RYR1: variants seen among roughly 807,000 people sequenced by gnomAD.
RYR1 encodes the protein central core disease of muscle.
A neutral mutation model predicts 583.5 loss-of-function variants in RYR1; 342 were observed. That is an observed-to-expected ratio of 0.59 (90% confidence interval 0.54 to 0.64). The LOEUF (loss-of-function observed/expected upper bound fraction) is 0.64. RYR1 is among the 30% of genes least tolerant of loss of function. The pLI is 0.00. For missense variants in RYR1, 6,032 were observed against 6,917.2 expected (o/e 0.87, Z 4.54); for synonymous variants, 2,791 against 2,822.5 (o/e 0.99, Z 0.35).
intron 58 of RYR1, 70 bp from the exon 59 acceptor site, chr19:38,510,428 C>T (rs1970675267): frequency 1.3e-6 from 2 of 1,503,504 alleles, no homozygotes; most frequent in Non-Finnish European, 1.9e-6. Context: ...CTCCCAGCAT[C>T]CTTCCCATCA....
chr19:38,500,767 G>A lies in RYR1; in HGVS notation c.7444+41G>A, dbSNP rs1459520706. 1.2e-6 allele frequency: 2 copies of A among 1,614,090 alleles called. No individual in the cohort carries two copies. On this transcript the variant is annotated intron_variant, in intron 46 of 105. Coordinates refer to ENST00000359596, the MANE Select transcript of RYR1 (RefSeq NM_000540.3). This position sits in a 1 kb window ranked among gnomAD's most constrained non-coding sequence, Gnocchi z 5.9. ...AACTTGGCGAAGGAGTGATGCTGGG[G>A]AGGGAGCGGCTGGGTCCGCAGGGCA...
chr19:38,551,025 C>CTTTT (rs71165560), intron 89 of RYR1, among the ~76,000 whole-genome samples: 1 of 41,358 alleles, frequency 2.4e-5, no homozygotes, highest in Non-Finnish European at 4.6e-5. Context: ...GGATTCACGG[C>CTTTT]TTTTTTTTTT....
At chr19:38,528,257 G>A in intron 73 of RYR1, 49 bp from the exon 74 acceptor site, 1 of 1,511,360 alleles carries the variant, frequency 6.6e-7, no homozygotes, top group Non-Finnish European at 9.2e-7. Context: ...GGCTGGGAGT[G>A]AGAGGGGCAG....
intron 89 of RYR1, among the ~76,000 whole-genome samples, chr19:38,556,010 T>G (rs982164976): frequency 2.6e-5 from 4 of 152,022 alleles, no homozygotes; most frequent in Non-Finnish European, 5.9e-5. Context: ...ATTACAGGCA[T>G]GCGCCACCAC....
intron 94 of RYR1, among the ~76,000 whole-genome samples, chr19:38,571,371 C>T (rs1295164179): frequency 2.0e-5 from 3 of 152,132 alleles, no homozygotes; most frequent in Non-Finnish European, 4.4e-5. Flanking sequence ...CAGTGGCTCA[C>T]GCCTGTAATC....
At chr19:38,550,214 TTCTTTCG>T (rs1241498894) in intron 89 of RYR1, among the ~76,000 whole-genome samples, 1 of 152,146 alleles carries the variant, frequency 6.6e-6, no homozygotes, top group Admixed American at 6.6e-5. Flanking sequence ...TTGAATAAAT[TTCTTTCG>T]TCAATGTCTT....
chr19:38,517,188 AG>A (rs966027290), intron 65 of RYR1, among the ~76,000 whole-genome samples, 170 bp from the exon 66 acceptor site: 33 of 148,512 alleles, frequency 2.2e-4, no homozygotes, highest in Admixed American at 2.0e-3. Flanking sequence ...TTTCAATGTG[AG>A]GGTTGGGAGA....
chr19:38,527,542 A>C (rs999382233), intron 72 of RYR1, 105 bp from the exon 73 acceptor site: 3 of 1,440,812 alleles, frequency 2.1e-6, no homozygotes, highest in Non-Finnish European at 2.9e-6. Flanking sequence ...GAAAGGCCTC[A>C]ACATGCACTC....
intron 101 of RYR1, among the ~76,000 whole-genome samples, chr19:38,581,223 G>A (rs1438378810): frequency 6.6e-6 from 1 of 152,012 alleles, no homozygotes; most frequent in Non-Finnish European, 1.5e-5. Context: ...GACAACAGGC[G>A]CCCGCCACCA....
In RYR1 at chr19:38,457,597, T is replaced by G. The variant is rs755695359; in HGVS notation, c.1892T>G (p.Leu631Arg). 1 of 1,614,180 alleles carries G rather than the reference T, an allele frequency of 6.2e-7. No individual in the cohort carries two copies. The highest frequency in any genetic ancestry group is 8.5e-7 in the Non-Finnish European group (1 of 1,180,036). ...AACTTGCTGCCTGGCCGTGAGCTTC[T>G]GCTGCAGACAAACCTCATCAACTAT... ...TENLLPGREL[L>R]LQTNLINYVT... Residue 631 changes from leucine to arginine, a missense_variant, in exon 17 of 106, where the codon CTG (leucine) becomes CGG (arginine). Leu to Arg is a moderately radical substitution (Grantham distance 102). This residue lies in a region of RYR1 where 2,627 missense variants were observed against 2,961.3 expected (regional missense o/e 0.89). Transcript: ENST00000359596.
intron 67 of RYR1, among the ~76,000 whole-genome samples, chr19:38,519,850 C>T (rs1971145110): frequency 6.6e-6 from 1 of 151,680 alleles, no homozygotes; most frequent in Admixed American, 6.6e-5. Context: ...AGCTAAGTTT[C>T]GTATTTTTAG....
intron 84 of RYR1, among the ~76,000 whole-genome samples, chr19:38,542,178 G>A (rs1156506377): frequency 2.0e-5 from 3 of 150,306 alleles, no homozygotes; most frequent in Non-Finnish European, 4.4e-5. Flanking sequence ...CAACAAATTT[G>A]TTGTAGCAAA....
At chr19:38,451,362 T>C (rs1369402175) in intron 11 of RYR1, among the ~76,000 whole-genome samples, 1 of 151,938 alleles carries the variant, frequency 6.6e-6, no homozygotes, top group African/African-American at 2.4e-5. Context: ...TCTGGCATTC[T>C]ATCTGGGACA....
At position 38,499,796 on chromosome 19, in the gene RYR1, A is replaced by G; in HGVS notation, c.7189A>G (p.Ile2397Val). The change falls in exon 44 of 106, where the codon ATC (isoleucine) becomes GTC (valine). Residue 2397 changes from isoleucine (I) to valine (V), a missense_variant. Physicochemically the swap from Ile to Val is conservative, Grantham distance 29. Around this residue, in one of 11 missense-constraint regions of RYR1, gnomAD observed 2,627 missense variants for 2,961.3 expected, o/e 0.89. Transcript: ENST00000359596. This position sits in a 1 kb window ranked among gnomAD's most constrained non-coding sequence, Gnocchi z 7.3. The part of the protein sequence containing the change: ...SEDPARDGPG[I>V]RRDRRREHFG... ...GGACCCTGCGAGGGATGGCCCAGGC[A>G]TCCGCAGGGACCGGCGGCGCGAGCA... 2.5e-6 allele frequency: 4 copies of G among 1,604,878 alleles called. No individual in the cohort carries two copies. In the South Asian group the frequency reaches 4.4e-5, roughly 18 times the overall value.
chr19:38,555,259 T>A (rs996358885), intron 89 of RYR1, among the ~76,000 whole-genome samples: 1 of 152,048 alleles, frequency 6.6e-6, no homozygotes. Context: ...GAGAAGAGCC[T>A]GGGCAACATG....
In RYR1 at chr19:38,500,874, G is replaced by A. The variant is rs1970083671; in HGVS notation, c.7498G>A (p.Ala2500Thr). 1 of 1,614,152 alleles carries A rather than the reference G, an allele frequency of 6.2e-7. No homozygotes were observed. ...AGCATCCTTCGTGCCGGACCACAAG[G>A]CGTCCATGGTGCTCTTCCTGGACCG... ...MSASFVPDHKASMVLFLDRVY... is the reference protein window; with the variant it reads ...MSASFVPDHKTSMVLFLDRVY... Residue 2500 changes from alanine to threonine, a missense_variant, in exon 47 of 106, where the codon GCG (alanine) becomes ACG (threonine). Ala to Thr is a moderately conservative substitution (Grantham distance 58). Coordinates refer to ENST00000359596, the MANE Select transcript of RYR1 (RefSeq NM_000540.3). This position sits in a 1 kb window ranked among gnomAD's most constrained non-coding sequence, Gnocchi z 5.9.
intron 97 of RYR1, among the ~76,000 whole-genome samples, chr19:38,576,684 C>G (rs559884644): frequency 2.8e-4 from 42 of 152,074 alleles, no homozygotes; most frequent in African/African-American, 8.7e-4. Context: ...CCTGTAATCC[C>G]AGCTACTTGA....
At chr19:38,463,887 G>T in intron 22 of RYR1, 37 bp downstream of exon 22, 1 of 1,526,008 alleles carries the variant, frequency 6.6e-7, no homozygotes, top group Non-Finnish European at 9.1e-7. Flanking sequence ...GGGGCTGGCT[G>T]CTGGTGCGGT....
chr19:38,504,113 T>G, intron 49 of RYR1, 107 bp from the exon 50 acceptor site: 1 of 1,229,714 alleles, frequency 8.1e-7, no homozygotes, highest in Non-Finnish European at 1.2e-6. Context: ...CCACACCTCC[T>G]TCATAATTTA....
Sources: gnomAD v4.1 joint callset for allele counts (sites outside exome capture counted in the v4.1 genomes callset) on GRCh38, gnomAD v4.1.1 for gene constraint, gnomAD v4.1.1 regional missense constraint, Gnocchi (gnomAD v3.1) non-coding constraint, MANE v1.5 for transcripts, NCBI Gene and HGNC (gene_info 2026-07-23, HGNC 2026-07-21) for gene names.